WNK2: variants seen among roughly 807,000 people sequenced by gnomAD.
WNK2 encodes WNK lysine deficient protein kinase 2.
WNK2 carries 67 observed loss-of-function variants against 192.1 expected under a neutral mutation model. The observed-to-expected ratio is 0.35, with a 90% CI of 0.29 to 0.43. WNK2 has a LOEUF of 0.43. Ranked by LOEUF, WNK2 falls within the 20% of genes least tolerant of loss-of-function variation. WNK2 has a pLI of 1.00. For synonymous variants in WNK2, 1,439 were observed against 1,393.9 expected (o/e 1.03, Z -0.72); for missense variants, 2,698 against 3,089.7 (o/e 0.87, Z 3.01).
intron 19 of WNK2, among the ~76,000 whole-genome samples, chr9:93,274,515 C>CAAAAAAAAAAA (rs67350876): frequency 1.7e-5 from 2 of 118,396 alleles, no homozygotes; most frequent in Non-Finnish European, 3.5e-5. Flanking sequence ...CCGTCTCAAC[C>CAAAAAAAAAAA]AAAAAAAAAA....
intron 2 of WNK2, among the ~76,000 whole-genome samples, chr9:93,205,350 A>G (rs1465527367): frequency 6.6e-6 from 1 of 152,154 alleles, no homozygotes; most frequent in Non-Finnish European, 1.5e-5. Context: ...TGGGCAGCCT[A>G]TGTGCAGGTG....
At chr9:93,201,916 C>T (rs190092981) in intron 2 of WNK2, among the ~76,000 whole-genome samples, 4 of 152,342 alleles carry the variant, frequency 2.6e-5, no homozygotes, top group Non-Finnish European at 4.4e-5. Flanking sequence ...CCTTTGTGCC[C>T]GCGCTCCCAC....
chr9:93,186,391 T>G (rs1564251126), intron 2 of WNK2, among the ~76,000 whole-genome samples: 1 of 152,254 alleles, frequency 6.6e-6, no homozygotes, highest in East Asian at 1.9e-4. Context: ...CCTGCAAGAT[T>G]ATATAAACAG....
chr9:93,231,175 G>A lies in WNK2; in HGVS notation c.1075+67G>A, dbSNP rs1838729550. The A allele has an allele frequency of 5.4e-6, 8 of 1,491,102 alleles. No homozygotes were observed. In the South Asian group the frequency reaches 7.0e-5, roughly 13 times the overall value. The allele number at this position is 1,491,102 out of a possible 1,614,324, so 92.4% of individuals were successfully genotyped here. A position where few individuals can be genotyped will look rare whatever the true frequency, so the allele number is the denominator to read the frequency against. ...AAGCTGGGCAGCAGTGAGTGCTGGC[G>A]AGCATCCAGTTTTGTTCAGACCTGG... On this transcript the variant is annotated intron_variant, in intron 4 of 29. Coordinates refer to ENST00000427277, the MANE Select transcript of WNK2 (RefSeq NM_006648.4).
At chr9:93,317,872 G>T in intron 29 of WNK2, 1 of 1,561,768 alleles carries the variant, frequency 6.4e-7, no homozygotes, top group Non-Finnish European at 8.7e-7. Context: ...TCCCTTGCCA[G>T]ATGGCGCCCT....
Position 93,259,684 on chromosome 9 carries a change from G to T in WNK2, c.3066+70G>T. 7.2e-7 allele frequency: 1 copy of T among 1,388,352 alleles called. No homozygotes were observed. Among genetic ancestry groups the T allele is most frequent in the Non-Finnish European group, 9.5e-7 (1 of 1,050,360 alleles). The allele number at this position is 1,388,352 out of a possible 1,614,324, so 86.0% of individuals were successfully genotyped here. On this transcript the variant is annotated intron_variant, in intron 12 of 29. Coordinates refer to ENST00000427277, the MANE Select transcript of WNK2 (RefSeq NM_006648.4). The surrounding 1 kb of genome is among the most constrained non-coding windows in gnomAD (Gnocchi z 4.8). Reference sequence around the variant, plus strand: ...ACCCTCAGGACCCAGAGATGCAAAGGAGGACAGAGGCAGGCAAGGAGGCAG... The same window carrying T: ...ACCCTCAGGACCCAGAGATGCAAAGTAGGACAGAGGCAGGCAAGGAGGCAG...
chr9:93,262,729 C>T lies in WNK2; in HGVS notation c.3410+10C>T, dbSNP rs780329226. The T allele has an allele frequency of 1.1e-5, 18 of 1,611,672 alleles. No individual in the cohort carries two copies. The highest frequency in any genetic ancestry group is 1.5e-5 in the Non-Finnish European group (18 of 1,179,846). ...CGCAGAGCTGTGAGAGGTAGTGTGG[C>T]CCAGCCTCGACCTCGCAGGACGGGT... On this transcript the variant is annotated intron_variant, in intron 14 of 29. Coordinates refer to ENST00000427277, the MANE Select transcript of WNK2 (RefSeq NM_006648.4).
intron 2 of WNK2, among the ~76,000 whole-genome samples, chr9:93,208,366 C>G (rs1833771897): frequency 6.6e-6 from 1 of 152,228 alleles, no homozygotes; most frequent in African/African-American, 2.4e-5. Context: ...ACCCTTGTCG[C>G]CAAGGCTGAA....
At chr9:93,286,372 A>G (rs1848446711) in intron 19 of WNK2, among the ~76,000 whole-genome samples, 1 of 152,188 alleles carries the variant, frequency 6.6e-6, no homozygotes, top group Middle Eastern at 3.2e-3. Context: ...GGTGTGTCCT[A>G]AAAGAAGATA....
chr9:93,227,356 G>A (rs1352431784), intron 2 of WNK2, among the ~76,000 whole-genome samples: 6 of 152,046 alleles, frequency 3.9e-5, no homozygotes, highest in African/African-American at 9.7e-5. Flanking sequence ...TTCGTGATCC[G>A]CCCGCCTCGG....
chr9:93,217,977 G>C (rs1836056833), intron 2 of WNK2, among the ~76,000 whole-genome samples: 1 of 120,908 alleles, frequency 8.3e-6, no homozygotes, highest in Non-Finnish European at 1.6e-5. Flanking sequence ...AGAATGCCCA[G>C]CCCTTCCTCA....
At chr9:93,290,991 C>T (rs998625583) in intron 21 of WNK2, among the ~76,000 whole-genome samples, 5 of 152,232 alleles carry the variant, frequency 3.3e-5, no homozygotes, top group African/African-American at 4.8e-5. Context: ...GAAACCTCAG[C>T]GCACATCAGC....
rs1312914787 is a variant in WNK2, at chr9:93,306,682, C to A, written c.6215-95C>A. 5 of 1,503,912 alleles carry A rather than the reference C, an allele frequency of 3.3e-6. No individual in the cohort carries two copies. In the East Asian group the frequency reaches 1.1e-4, roughly 34 times the overall value. The allele number at this position is 1,503,912 out of a possible 1,614,324, so 93.2% of individuals were successfully genotyped here. A position where few individuals can be genotyped will look rare whatever the true frequency, so the allele number is the denominator to read the frequency against. ...TGCTGCCTGTGTCTGCCCCTCCCTG[C>A]ACACTGACGACTTTTGCTTAGTGTG... On this transcript the variant is annotated intron_variant, in intron 26 of 29. Transcript: ENST00000427277.
intron 19 of WNK2, among the ~76,000 whole-genome samples, chr9:93,270,755 C>A (rs1845891942): frequency 1.3e-5 from 2 of 152,322 alleles, no homozygotes; most frequent in South Asian, 4.1e-4. Context: ...AGCACGCCGA[C>A]AGTTCTGGAG....
chr9:93,253,820 G>A (rs1009135524), intron 9 of WNK2, among the ~76,000 whole-genome samples: 9 of 152,200 alleles, frequency 5.9e-5, no homozygotes, highest in African/African-American at 2.2e-4. Flanking sequence ...ACTTTAGAAA[G>A]CAAAACAATT....
rs1400095721 is a variant in WNK2 at position 93,261,965 on chromosome 9, T to C, written c.3218T>C (p.Leu1073Pro). ...PELLPQFPSS[L>P]ATVSASVQSV... is the part of the protein sequence containing the mutation. ...CTCCTGCCTCAGTTCCCCAGCTCCC[T>C]GGCCACGGTGTCTGCCTCTGTGCAG... Residue 1073 changes from leucine (L) to proline (P), a missense_variant, in exon 13 of 30, where the codon CTG becomes CCG. Transcript: ENST00000427277. 1.9e-6 allele frequency: 3 copies of C among 1,611,930 alleles called. No homozygotes were observed. Among genetic ancestry groups the C allele is most frequent in the East Asian group, 2.2e-5 (1 of 44,866 alleles).
intron 19 of WNK2, chr9:93,268,950 G>C (rs754008750): frequency 1.9e-5 from 30 of 1,551,176 alleles, no homozygotes; most frequent in Non-Finnish European, 2.5e-5. Flanking sequence ...GCAGCCTCCA[G>C]GTTTGAGTCT....
chr9:93,300,030 T>C (rs749611827), intron 25 of WNK2, 21 bp from the exon 26 acceptor site: 1 of 1,605,256 alleles, frequency 6.2e-7, no homozygotes, highest in East Asian at 2.2e-5. Context: ...TTTGTTTTCT[T>C]CCCTTTATAT....
chr9:93,318,029 T>C, intron 29 of WNK2: 1 of 1,612,662 alleles, frequency 6.2e-7, no homozygotes, highest in Non-Finnish European at 8.5e-7. Flanking sequence ...CGCTCCTAGG[T>C]TCCTGTGGTC....
Sources: gnomAD v4.1 joint callset for allele counts (sites outside exome capture counted in the v4.1 genomes callset) on GRCh38, gnomAD v4.1.1 for gene constraint, Gnocchi (gnomAD v3.1) non-coding constraint, MANE v1.5 for transcripts, NCBI Gene and HGNC (gene_info 2026-07-23, HGNC 2026-07-21) for gene names.